INPP4B: variants seen among roughly 807,000 people sequenced by gnomAD.
INPP4B encodes inositol polyphosphate 4-phosphatase type II.
Under a neutral mutation model 122.5 loss-of-function variants are expected in INPP4B, and 55 were observed. That is an observed-to-expected ratio of 0.45 (90% confidence interval 0.36 to 0.56). The LOEUF (loss-of-function observed/expected upper bound fraction) is 0.56, where lower values mean the gene tolerates loss of function less well. Among genes scored for constraint, INPP4B ranks in the 20% least tolerant of loss-of-function variants. INPP4B has a pLI of 0.00. For missense variants in INPP4B, 1,000 were observed against 1,097.7 expected (o/e 0.91, Z 1.26); for synonymous variants, 403 against 388.7 (o/e 1.04, Z -0.43).
intron 2 of INPP4B, among the ~76,000 whole-genome samples, chr4:142,658,599 C>CA (rs1754588570): frequency 6.6e-6 from 1 of 152,214 alleles, no homozygotes; most frequent in Non-Finnish European, 1.5e-5. Context: ...TCTTAACTTA[C>CA]GGCATTACAG....
intron 9 of INPP4B, among the ~76,000 whole-genome samples, chr4:142,296,048 T>C (rs1758545978): frequency 6.6e-6 from 1 of 151,160 alleles, no homozygotes; most frequent in Non-Finnish European, 1.5e-5. Context: ...TAGGTCTTTG[T>C]GTACAGATAT....
At chr4:142,196,147 T>G (rs1055323292) in intron 14 of INPP4B, among the ~76,000 whole-genome samples, 1 of 152,196 alleles carries the variant, frequency 6.6e-6, no homozygotes, top group African/African-American at 2.4e-5. Context: ...GGAGTTTGTG[T>G]TTTTTTAGAA....
intron 1 of INPP4B, among the ~76,000 whole-genome samples, chr4:142,748,573 GATA>G (rs1362794608): frequency 2.0e-5 from 3 of 151,444 alleles, no homozygotes; most frequent in Non-Finnish European, 4.4e-5. Context: ...ATATTAAATG[GATA>G]ATAAAATATA....
At chr4:142,662,334 T>G (rs1755350011) in intron 2 of INPP4B, among the ~76,000 whole-genome samples, 1 of 152,178 alleles carries the variant, frequency 6.6e-6, no homozygotes, top group South Asian at 2.1e-4. Context: ...ACAATCTTAA[T>G]GCTCCCTTGT....
chr4:142,384,289 T>C (rs965041076), intron 7 of INPP4B, among the ~76,000 whole-genome samples: 2 of 152,350 alleles, frequency 1.3e-5, no homozygotes, highest in African/African-American at 4.8e-5. Context: ...ATTACAGTCA[T>C]GCATTGCATA....
intron 11 of INPP4B, among the ~76,000 whole-genome samples, chr4:142,254,527 A>C (rs545871988): frequency 6.6e-6 from 1 of 152,348 alleles, no homozygotes; most frequent in African/African-American, 2.4e-5. Flanking sequence ...ATGGAGCTGA[A>C]AGCCAAGGCT....
At chr4:142,585,846 T>TTTATTATTATTA (rs59890158) in intron 2 of INPP4B, among the ~76,000 whole-genome samples, 1,687 of 144,594 alleles carry the variant, frequency 0.012, 16 homozygotes, top group Non-Finnish European at 0.015. Context: ...CACTAAACAC[T>TTTATTATTATTA]TTATTATTAT....
chr4:142,343,916 C>T (rs1273618618), intron 7 of INPP4B, among the ~76,000 whole-genome samples: 1 of 151,956 alleles, frequency 6.6e-6, no homozygotes, highest in Non-Finnish European at 1.5e-5. Context: ...AAATTCAACA[C>T]AAAATTAGCA....
At chr4:142,686,955 A>AT (rs1178987695) in intron 2 of INPP4B, among the ~76,000 whole-genome samples, 1 of 152,000 alleles carries the variant, frequency 6.6e-6, no homozygotes, top group East Asian at 1.9e-4. Context: ...AGTAAAATAG[A>AT]TTTTGGGGCG....
chr4:142,386,005 C>T (rs1178348475), intron 7 of INPP4B, among the ~76,000 whole-genome samples: 1 of 152,070 alleles, frequency 6.6e-6, no homozygotes, highest in Non-Finnish European at 1.5e-5. Context: ...ATCACTAAAG[C>T]TTATCTCTTT....
chr4:142,464,040 G>T (rs929557064), intron 2 of INPP4B, among the ~76,000 whole-genome samples: 1 of 152,084 alleles, frequency 6.6e-6, no homozygotes, highest in Admixed American at 6.6e-5. Flanking sequence ...TATATAGAGA[G>T]AATTTGGCAA....
chr4:142,771,167 AG>A (rs1339739776), intron 1 of INPP4B, among the ~76,000 whole-genome samples: 3 of 152,150 alleles, frequency 2.0e-5, no homozygotes, highest in Non-Finnish European at 4.4e-5. Flanking sequence ...TTCCTATATA[AG>A]AAAAAATTAC....
At chr4:142,390,635 T>C (rs1488217672) in intron 7 of INPP4B, among the ~76,000 whole-genome samples, 1 of 152,192 alleles carries the variant, frequency 6.6e-6, no homozygotes, top group Non-Finnish European at 1.5e-5. Context: ...AAATAAAACA[T>C]AATGTTTAAT....
chr4:142,269,283 T>C (rs1345274931), intron 10 of INPP4B, among the ~76,000 whole-genome samples: 1 of 110,544 alleles, frequency 9.0e-6, no homozygotes, highest in Non-Finnish European at 1.9e-5. Context: ...CTTACCTCAT[T>C]GCCTACCCTC....
chr4:142,325,330 C>T (rs1341341308), intron 7 of INPP4B, among the ~76,000 whole-genome samples: 2 of 152,000 alleles, frequency 1.3e-5, no homozygotes, highest in African/African-American at 4.8e-5. Flanking sequence ...GGAAAAAATG[C>T]CATTTAAATA....
At chr4:142,206,667 C>T (rs1479486194) in intron 14 of INPP4B, among the ~76,000 whole-genome samples, 2 of 152,168 alleles carry the variant, frequency 1.3e-5, no homozygotes, top group African/African-American at 2.4e-5. Context: ...TATATGTATA[C>T]AACTTGATGA....
intron 1 of INPP4B, among the ~76,000 whole-genome samples, chr4:142,781,076 C>T (rs1774744302): frequency 6.6e-6 from 1 of 152,140 alleles, no homozygotes. Flanking sequence ...GCGAGATATT[C>T]TTAAAACTTG....
intron 16 of INPP4B, among the ~76,000 whole-genome samples, chr4:142,169,321 T>A (rs754692486): frequency 1.5e-4 from 23 of 151,654 alleles, no homozygotes; most frequent in Admixed American, 5.3e-4. Flanking sequence ...TAATACATAC[T>A]TTTGCCAATC....
intron 2 of INPP4B, among the ~76,000 whole-genome samples, chr4:142,682,423 C>CA (rs1259029635): frequency 1.2e-4 from 18 of 151,424 alleles, no homozygotes; most frequent in South Asian, 6.3e-4. Flanking sequence ...TCGTGTCAAT[C>CA]AAAAAAACTC....
Sources: gnomAD v4.1 joint callset for allele counts (sites outside exome capture counted in the v4.1 genomes callset) on GRCh38, gnomAD v4.1.1 for gene constraint, MANE v1.5 for transcripts, NCBI Gene and HGNC (gene_info 2026-07-23, HGNC 2026-07-21) for gene names.